NALF1: variants seen among roughly 807,000 people sequenced by gnomAD.
NALF1 encodes the protein NALCN channel auxiliary factor 1.
Under a neutral mutation model 48.4 loss-of-function variants are expected in NALF1, and 3 were observed. The ratio of observed to expected loss-of-function variants is 0.06; its 90% confidence interval spans 0.03 to 0.16. The LOEUF is 0.16. NALF1 is among the 10% of genes least tolerant of loss of function. NALF1 has a pLI of 1.00. For synonymous variants in NALF1, 262 were observed against 245.7 expected, an observed-to-expected ratio of 1.07 and a Z score of -0.62; for missense variants, 526 against 571.5, an observed-to-expected ratio of 0.92 and a Z score of 0.81.
chr13:107,292,664 C>T (rs557598348), intron 1 of NALF1, among the ~76,000 whole-genome samples: 3 of 152,264 alleles, frequency 2.0e-5, no homozygotes, highest in African/African-American at 7.2e-5. Flanking sequence ...TGTAACAATG[C>T]CAAAGCCTTC....
At chr13:107,359,906 C>A (rs563404177) in intron 1 of NALF1, among the ~76,000 whole-genome samples, 1 of 152,226 alleles carries the variant, frequency 6.6e-6, no homozygotes, top group Non-Finnish European at 1.5e-5. Context: ...CACATCAGTT[C>A]TACTCCACTG....
chr13:107,638,034 AC>A (rs1035203664), intron 1 of NALF1, among the ~76,000 whole-genome samples: 49 of 151,712 alleles, frequency 3.2e-4, no homozygotes, highest in Non-Finnish European at 6.8e-4. Context: ...TGCCTTAATG[AC>A]CGTAAGTCAT....
At chr13:107,210,809 T>C in intron 1 of NALF1, 54 bp from the exon 2 acceptor site, 2 of 1,270,382 alleles carry the variant, frequency 1.6e-6, no homozygotes, top group Non-Finnish European at 2.3e-6. Context: ...GTTACAGTGA[T>C]AGAGGCACTG....
chr13:107,369,651 G>T (rs1229117902), intron 1 of NALF1, among the ~76,000 whole-genome samples: 1 of 151,946 alleles, frequency 6.6e-6, no homozygotes, highest in Non-Finnish European at 1.5e-5. Context: ...TCTCTGCTTG[G>T]ATTTCTAAGC....
At position 107,754,386 on chromosome 13, in the gene NALF1, CA is replaced by C. The variant is rs1230348377; in HGVS notation, c.915+111295del. Among the ~76,000 whole-genome samples the C allele has an allele frequency of 4.7e-5, 7 of 147,906 alleles. No homozygotes were observed. The East Asian group carries it at 5.9e-4, about 12-fold the overall frequency. On this transcript the variant is annotated intron_variant, in intron 1 of 2. Coordinates refer to ENST00000375915, the MANE Select transcript of NALF1 (RefSeq NM_001080396.3). ...ACACACACACACACACACACACACA[CA>C]CACACACACACCATATATGGAACCG...
intron 1 of NALF1, among the ~76,000 whole-genome samples, chr13:107,617,293 G>A (rs1018800943): frequency 3.9e-5 from 6 of 151,962 alleles, no homozygotes; most frequent in Admixed American, 3.3e-4. Flanking sequence ...GAGAGGGAGA[G>A]GTCTGATTAA....
chr13:107,850,084 T>C (rs1012998179), intron 1 of NALF1, among the ~76,000 whole-genome samples: 9 of 152,280 alleles, frequency 5.9e-5, no homozygotes, highest in African/African-American at 1.2e-4. Flanking sequence ...ATGCCTTAGT[T>C]AAGAATGCTG....
At position 107,674,606 on chromosome 13, in the gene NALF1, G is replaced by T. The variant is rs536227455; in HGVS notation, c.915+191076C>A. On this transcript the variant is annotated intron_variant, in intron 1 of 2. Coordinates refer to ENST00000375915, the MANE Select transcript of NALF1 (RefSeq NM_001080396.3). The stretch of plus-strand genomic sequence containing the variant: ...TGGTAGGCCCTGTGCCTGTCCTCAA[G>T]GGGCTGAGACTCCAGACTGGGAAGA... Among the ~76,000 whole-genome samples the T allele has an allele frequency of 1.7e-4, 26 of 152,276 alleles. No homozygotes were observed. In the South Asian group the frequency reaches 5.0e-3, roughly 29 times the overall value.
At chr13:107,410,392 T>C (rs1883969536) in intron 1 of NALF1, among the ~76,000 whole-genome samples, 1 of 152,160 alleles carries the variant, frequency 6.6e-6, no homozygotes. Flanking sequence ...ACCCATGTTC[T>C]ATCAAGGATT....
intron 1 of NALF1, among the ~76,000 whole-genome samples, chr13:107,268,385 T>A (rs1881087512): frequency 6.6e-6 from 1 of 152,064 alleles, no homozygotes; most frequent in African/African-American, 2.4e-5. Flanking sequence ...GGGACTACTG[T>A]GCCCAAAGCT....
chr13:107,665,530 T>C (rs114401243), intron 1 of NALF1, among the ~76,000 whole-genome samples: 134 of 152,308 alleles, frequency 8.8e-4, no homozygotes, highest in African/African-American at 3.1e-3. Flanking sequence ...ATATATAGTA[T>C]TTCATGGCAT....
At chr13:107,626,754 G>A (rs1034712486) in intron 1 of NALF1, among the ~76,000 whole-genome samples, 1 of 151,996 alleles carries the variant, frequency 6.6e-6, no homozygotes, top group Admixed American at 6.6e-5. Flanking sequence ...GAGGTTGAGA[G>A]TAGACTGGTG....
chr13:107,854,868 CAA>C (rs35071894), intron 1 of NALF1, among the ~76,000 whole-genome samples: 14 of 81,892 alleles, frequency 1.7e-4, no homozygotes, highest in Middle Eastern at 7.8e-3. Flanking sequence ...GGTTCCATCT[CAA>C]AAAAAAAAAA....
intron 1 of NALF1, among the ~76,000 whole-genome samples, chr13:107,735,753 G>A (rs989969559): frequency 2.6e-5 from 4 of 152,144 alleles, no homozygotes; most frequent in Non-Finnish European, 5.9e-5. Context: ...ACAGATAAAG[G>A]TAGTTGCCTC....
At chr13:107,793,429 A>G (rs1435558644) in intron 1 of NALF1, among the ~76,000 whole-genome samples, 1 of 152,234 alleles carries the variant, frequency 6.6e-6, no homozygotes, top group Non-Finnish European at 1.5e-5. Context: ...TGCCATCTTA[A>G]TGTATTTATC....
At chr13:107,206,836 C>CT (rs780578500) in intron 2 of NALF1, among the ~76,000 whole-genome samples, 12 of 152,078 alleles carry the variant, frequency 7.9e-5, no homozygotes, top group East Asian at 1.9e-4. Context: ...TTACAGAATA[C>CT]TTTTTTTTGA....
At chr13:107,648,396 T>G (rs1341013288) in intron 1 of NALF1, among the ~76,000 whole-genome samples, 1 of 152,186 alleles carries the variant, frequency 6.6e-6, no homozygotes, top group Non-Finnish European at 1.5e-5. Context: ...TCTATACTGC[T>G]GCCTTTTCCA....
intron 1 of NALF1, among the ~76,000 whole-genome samples, chr13:107,583,413 A>G (rs1202524932): frequency 6.6e-6 from 1 of 152,184 alleles, no homozygotes; most frequent in Non-Finnish European, 1.5e-5. Context: ...GTTATGAAAT[A>G]TGATTTGGTA....
intron 1 of NALF1, among the ~76,000 whole-genome samples, chr13:107,259,253 C>T (rs1880882540): frequency 1.3e-5 from 2 of 152,088 alleles, no homozygotes; most frequent in South Asian, 4.1e-4. Flanking sequence ...GAGTGTCTTA[C>T]AAGTAACGGA....
Sources: allele counts gnomAD v4.1 joint callset (sites outside exome capture counted in the v4.1 genomes callset), GRCh38; gene constraint gnomAD v4.1.1; transcripts MANE v1.5; gene names NCBI Gene and HGNC (gene_info 2026-07-23, HGNC 2026-07-21).